NCOA2: variants seen among roughly 807,000 people sequenced by gnomAD.
The protein encoded by NCOA2 is class E basic helix-loop-helix protein 75.
A neutral mutation model predicts 145.1 loss-of-function variants in NCOA2; 21 were observed. The observed-to-expected ratio is 0.14, with a 90% confidence interval of 0.10 to 0.21. The LOEUF (loss-of-function observed/expected upper bound fraction) is 0.21, where lower values mean the gene tolerates loss of function less well. Ranked by LOEUF, NCOA2 falls within the 10% of genes least tolerant of loss-of-function variation. NCOA2 has a pLI of 1.00. For synonymous variants in NCOA2, 619 were observed against 637.5 expected (o/e 0.97, Z 0.44); for missense variants, 1,472 against 1,837.6 (o/e 0.80, Z 3.64).
At chr8:70,428,157 C>A in the NCOA2 span, among the ~76,000 whole-genome samples, 2 of 152,028 alleles carry the variant, frequency 1.3e-5, no homozygotes, top group East Asian at 3.9e-4. Context: ...AAGGTTTTCT[C>A]AGAATACTTT....
chr8:70,355,598 T>A (rs2130902350), intron 1 of NCOA2, among the ~76,000 whole-genome samples: 1 of 152,034 alleles, frequency 6.6e-6, no homozygotes, highest in South Asian at 2.1e-4. Flanking sequence ...TTTTTTTCTC[T>A]CATCGGCTAT....
chr8:70,357,835 G>C (rs866292323), intron 1 of NCOA2, among the ~76,000 whole-genome samples: 1 of 152,056 alleles, frequency 6.6e-6, no homozygotes, highest in African/African-American at 2.4e-5. Context: ...TGGATCACCC[G>C]AAGTCAGGAG....
At chr8:70,259,309 G>A (rs541391639) in intron 2 of NCOA2, among the ~76,000 whole-genome samples, 1 of 152,090 alleles carries the variant, frequency 6.6e-6, no homozygotes. Flanking sequence ...GGACAAAAAA[G>A]TAGAAAACTA....
chr8:70,240,142 G>A (rs1327484603), intron 2 of NCOA2, among the ~76,000 whole-genome samples: 1 of 152,160 alleles, frequency 6.6e-6, no homozygotes, highest in East Asian at 1.9e-4. Context: ...ACACGGCCTT[G>A]AACCTCCAGA....
Position 70,148,277 on chromosome 8 carries a change from C to T in NCOA2, c.2601G>A (p.Gln867=). The change falls in exon 12 of 23, where the codon CAG becomes CAA. Residue 867 remains glutamine, a synonymous_variant. Transcript: ENST00000452400. The part of the protein sequence containing the change: ...GAQKTALRIS[Q]STFNNPRPGQ... The stretch of plus-strand genomic sequence containing the variant: ...CCAGCCATTTCTCATACTCACTGCT[C>T]TGTGAAATTCGCAGTGCTGTTTTCT... 1 of 1,613,618 alleles carries T rather than the reference C, an allele frequency of 6.2e-7. No homozygotes were observed. The highest frequency in any genetic ancestry group is 1.1e-5 in the South Asian group (1 of 91,048).
At chr8:70,235,431 T>A (rs1000731864) in intron 2 of NCOA2, among the ~76,000 whole-genome samples, 1 of 152,150 alleles carries the variant, frequency 6.6e-6, no homozygotes, top group Non-Finnish European at 1.5e-5. Context: ...CAATGGCAAA[T>A]TGTATGGATA....
chr8:70,215,717 T>C (rs551677468), intron 3 of NCOA2, among the ~76,000 whole-genome samples: 1 of 152,280 alleles, frequency 6.6e-6, no homozygotes, highest in East Asian at 1.9e-4. Flanking sequence ...TTTAAAACAT[T>C]GAAAAAGTGA....
the NCOA2 span, among the ~76,000 whole-genome samples, chr8:70,429,940 A>G: frequency 2.0e-5 from 3 of 152,084 alleles, no homozygotes; most frequent in African/African-American, 7.2e-5. Context: ...TGGTGTGATC[A>G]TGGCTGGGCT....
chr8:70,442,116 G>GAAGAAAGA, the NCOA2 span, among the ~76,000 whole-genome samples: 1,950 of 82,408 alleles, frequency 0.024, 54 homozygotes, highest in African/African-American at 0.036. Context: ...GAGAAAGAAA[G>GAAGAAAGA]AAGAAAGAAA....
chr8:70,115,261 C>T (rs1165803543), intron 22 of NCOA2, among the ~76,000 whole-genome samples: 1 of 152,184 alleles, frequency 6.6e-6, no homozygotes, highest in Non-Finnish European at 1.5e-5. Flanking sequence ...AGCAATTCTC[C>T]TGCCTCAGCC....
the NCOA2 span, among the ~76,000 whole-genome samples, chr8:70,437,820 T>C: frequency 7.2e-5 from 11 of 152,208 alleles, no homozygotes; most frequent in African/African-American, 1.2e-4. Flanking sequence ...ATAATCATTA[T>C]AGACATTTGC....
chr8:70,396,953 A>T (rs1049863645), intron 1 of NCOA2, among the ~76,000 whole-genome samples: 2 of 152,172 alleles, frequency 1.3e-5, no homozygotes, highest in Non-Finnish European at 2.9e-5. Context: ...TCCTCGCCAA[A>T]GTTTTGCTCA....
chr8:70,187,641 T>C (rs895261776), intron 4 of NCOA2, among the ~76,000 whole-genome samples: 7 of 152,188 alleles, frequency 4.6e-5, no homozygotes, highest in African/African-American at 9.7e-5. Context: ...ATATAGGCCA[T>C]AGAACATATC....
intron 2 of NCOA2, among the ~76,000 whole-genome samples, chr8:70,252,500 T>G (rs1353218228): frequency 3.9e-5 from 6 of 152,244 alleles, no homozygotes. Flanking sequence ...TTAATGGCCC[T>G]ACATAACTTC....
intron 12 of NCOA2, among the ~76,000 whole-genome samples, chr8:70,145,465 C>G (rs983687040): frequency 6.6e-6 from 1 of 152,044 alleles, no homozygotes; most frequent in Non-Finnish European, 1.5e-5. Context: ...GCTGGGACTA[C>G]AGCTGTGCCA....
chr8:70,279,417 G>A (rs1200849152), intron 2 of NCOA2, among the ~76,000 whole-genome samples: 1 of 152,166 alleles, frequency 6.6e-6, no homozygotes, highest in African/African-American at 2.4e-5. Flanking sequence ...ATGAGGAAAT[G>A]CTATGCTTAT....
intron 1 of NCOA2, among the ~76,000 whole-genome samples, chr8:70,338,696 CT>C (rs1807852219): frequency 6.6e-6 from 1 of 152,162 alleles, no homozygotes; most frequent in Non-Finnish European, 1.5e-5. Flanking sequence ...CAATAAAATA[CT>C]GGCAAACTGA....
intron 4 of NCOA2, among the ~76,000 whole-genome samples, chr8:70,195,374 T>A (rs1245636788): frequency 6.6e-6 from 1 of 152,194 alleles, no homozygotes; most frequent in Non-Finnish European, 1.5e-5. Context: ...TCAAATTTCT[T>A]CTTCTGAGAA....
At chr8:70,267,392 G>GTTTTTTT (rs34028372) in intron 2 of NCOA2, among the ~76,000 whole-genome samples, 2 of 102,494 alleles carry the variant, frequency 2.0e-5, no homozygotes, top group Admixed American at 1.2e-4. Context: ...TTTCCTTTCT[G>GTTTTTTT]TTTTTTTTTT....
Sources: gnomAD v4.1 joint callset for allele counts (sites outside exome capture counted in the v4.1 genomes callset) on GRCh38, gnomAD v4.1.1 for gene constraint, MANE v1.5 for transcripts, NCBI Gene and HGNC (gene_info 2026-07-23, HGNC 2026-07-21) for gene names.